RPS6KA2: variants seen among roughly 807,000 people sequenced by gnomAD.
The protein encoded by RPS6KA2 is ribosomal protein S6 kinase A2.
A neutral mutation model predicts 91.8 loss-of-function variants in RPS6KA2; 42 were observed. The observed-to-expected ratio is 0.46, with a 90% CI of 0.36 to 0.59. The LOEUF (loss-of-function observed/expected upper bound fraction) is 0.59. Among genes scored for constraint, RPS6KA2 ranks in the 20% least tolerant of loss-of-function variants. The pLI, the probability that RPS6KA2 is intolerant of heterozygous loss-of-function variation, is 0.00. For missense variants in RPS6KA2, 798 were observed against 978.5 expected (o/e 0.82, Z 2.46); for synonymous variants, 414 against 393.6 (o/e 1.05, Z -0.61).
At chr6:166,481,126 C>T (rs796580309) in intron 10 of RPS6KA2, among the ~76,000 whole-genome samples, 49 of 152,310 alleles carry the variant, frequency 3.2e-4, no homozygotes, top group African/African-American at 8.4e-4. Flanking sequence ...AATAATTATA[C>T]ATTCATTCCA....
intron 2 of RPS6KA2, among the ~76,000 whole-genome samples, chr6:166,847,594 G>A (rs2128631441): frequency 6.6e-6 from 1 of 152,214 alleles, no homozygotes; most frequent in East Asian, 1.9e-4. Context: ...AGAGAATCAA[G>A]AAATAAAGCC....
intron 2 of RPS6KA2, among the ~76,000 whole-genome samples, chr6:166,823,066 G>A (rs1779943814): frequency 6.6e-6 from 1 of 152,172 alleles, no homozygotes; most frequent in African/African-American, 2.4e-5. Flanking sequence ...CATCCAAAGG[G>A]CAGACGACCC....
intron 16 of RPS6KA2, among the ~76,000 whole-genome samples, chr6:166,425,801 G>A (rs1778894999): frequency 6.6e-6 from 1 of 152,106 alleles, no homozygotes; most frequent in Non-Finnish European, 1.5e-5. Flanking sequence ...GATTCATAAA[G>A]CAAGTCCTGA....
intron 11 of RPS6KA2, among the ~76,000 whole-genome samples, chr6:166,466,898 C>CCTTACTCATTCACTCCCTTA (rs149393454): frequency 6.7e-6 from 1 of 150,198 alleles, no homozygotes; most frequent in Admixed American, 6.6e-5. Context: ...TCACTCACTC[C>CCTTACTCATTCACTCCCTTA]CTCATTCACT....
chr6:166,766,937 G>A (rs1168602953), intron 2 of RPS6KA2, among the ~76,000 whole-genome samples: 2 of 152,210 alleles, frequency 1.3e-5, no homozygotes, highest in African/African-American at 2.4e-5. Flanking sequence ...GTGGCCCTGT[G>A]GGCCTAACGT....
chr6:166,782,438 T>C (rs1301497950), intron 2 of RPS6KA2, among the ~76,000 whole-genome samples: 1 of 152,172 alleles, frequency 6.6e-6, no homozygotes, highest in Admixed American at 6.5e-5. Context: ...GTTTTGAAGA[T>C]GGAGACTCGG....
intron 1 of RPS6KA2, chr6:166,858,401 T>C (rs1349009003): frequency 3.2e-6 from 2 of 623,666 alleles, no homozygotes; most frequent in East Asian, 5.5e-5. Context: ...TCACCGTCCC[T>C]TCCCACCTGA....
chr6:166,468,585 C>T (rs1019446434), intron 11 of RPS6KA2, among the ~76,000 whole-genome samples: 5 of 151,986 alleles, frequency 3.3e-5, no homozygotes, highest in Non-Finnish European at 5.9e-5. Context: ...AGACAGAGGC[C>T]GGGCGCGGTG....
Position 166,762,322 on chromosome 6 carries a change from T to C in RPS6KA2, c.123+95878A>G, listed in dbSNP as rs537858568. 2.6e-5 allele frequency among the ~76,000 whole-genome samples: 4 copies of C among 152,296 alleles called. No individual in the cohort carries two copies. The South Asian group carries it at 6.2e-4, about 24-fold the overall frequency. ...CCATGTCAGCTCAACCTTAGCACCG[T>C]TCAAAGCAATTGGTATGCATGTGTG... On this transcript the variant is annotated intron_variant, in intron 2 of 21. Transcript: ENST00000503859.
At chr6:166,850,007 T>G (rs1400456268) in intron 2 of RPS6KA2, among the ~76,000 whole-genome samples, 4 of 151,988 alleles carry the variant, frequency 2.6e-5, no homozygotes, top group Non-Finnish European at 5.9e-5. Context: ...CCACGGGGCC[T>G]CCGCCAGGGA....
intron 11 of RPS6KA2, among the ~76,000 whole-genome samples, chr6:166,468,915 C>T (rs569892665): frequency 6.4e-4 from 97 of 150,562 alleles, no homozygotes; most frequent in Middle Eastern, 3.5e-3. Context: ...AAACTCTATA[C>T]TGTAGAGGGC....
In RPS6KA2 at chr6:166,626,673, G is replaced by A. The variant is rs995950247; in HGVS notation, c.99+248C>T. Among the ~76,000 whole-genome samples the A allele has an allele frequency of 1.2e-4, 19 of 152,220 alleles. No homozygotes were observed. The highest frequency in any genetic ancestry group is 4.6e-4 in the African/African-American group (19 of 41,464). Reference sequence around the variant, plus strand: ...CACACCCCGTGCAGCCAGCGGCGGAGAAACCAGCTGGAAATGCAGTGGGGG... The same window carrying A: ...CACACCCCGTGCAGCCAGCGGCGGAAAAACCAGCTGGAAATGCAGTGGGGG... On this transcript the variant is annotated intron_variant, in intron 1 of 20. Transcript: ENST00000265678. This position sits in a 1 kb window ranked among gnomAD's most constrained non-coding sequence, Gnocchi z 4.1.
chr6:166,769,314 G>A (rs1282596591), intron 2 of RPS6KA2, among the ~76,000 whole-genome samples: 5 of 152,194 alleles, frequency 3.3e-5, no homozygotes, highest in South Asian at 2.1e-4. Flanking sequence ...ATAAAGCCAC[G>A]TCAAGTTTCG....
chr6:166,663,847 G>A (rs914802601), intron 2 of RPS6KA2, among the ~76,000 whole-genome samples: 4 of 152,230 alleles, frequency 2.6e-5, no homozygotes, highest in Admixed American at 6.5e-5. Context: ...GTTAAAGAAA[G>A]AGGAAATATG....
intron 2 of RPS6KA2, among the ~76,000 whole-genome samples, chr6:166,779,534 G>A (rs755393683): frequency 6.6e-6 from 1 of 152,186 alleles, no homozygotes; most frequent in African/African-American, 2.4e-5. Context: ...GAATAGGGGA[G>A]AGCCCAGGGC....
chr6:166,829,492 A>G (rs1297458517), intron 2 of RPS6KA2, among the ~76,000 whole-genome samples: 3 of 149,968 alleles, frequency 2.0e-5, no homozygotes, highest in East Asian at 2.0e-4. Flanking sequence ...TCCAGAGGCT[A>G]AGGAAGGAGA....
chr6:166,827,256 CAAAAAAAAAAAAAAAAAAA>C (rs56296433), intron 2 of RPS6KA2, among the ~76,000 whole-genome samples: 6 of 94,498 alleles, frequency 6.3e-5, no homozygotes, highest in South Asian at 7.7e-4. Flanking sequence ...CAACCTTATA[CAAAAAAAAAAAAAAAAAAA>C]AAAAAAAAAA....
Position 166,852,377 on chromosome 6 carries a change from T to C in RPS6KA2, c.123+5823A>G, listed in dbSNP as rs1196743479. 1.3e-5 allele frequency among the ~76,000 whole-genome samples: 2 copies of C among 152,236 alleles called. No individual in the cohort carries two copies. Among genetic ancestry groups the C allele is most frequent in the Non-Finnish European group, 2.9e-5 (2 of 68,042 alleles). ...TTAATTGCTTCATTAGTGCCTGGGC[T>C]TCATTATTCACCTTGTCTCACTTCT... On this transcript the variant is annotated intron_variant, in intron 2 of 21. Coordinates refer to the RPS6KA2 transcript ENST00000503859. The surrounding 1 kb of genome is among the most constrained non-coding windows in gnomAD (Gnocchi z 4.1).
intron 11 of RPS6KA2, among the ~76,000 whole-genome samples, chr6:166,468,736 C>T (rs1034048497): frequency 1.3e-5 from 2 of 151,720 alleles, no homozygotes; most frequent in Non-Finnish European, 2.9e-5. Flanking sequence ...GTGGTGGGGG[C>T]GCCTGTAATC....
Sources: allele counts gnomAD v4.1 joint callset (sites outside exome capture counted in the v4.1 genomes callset), GRCh38; gene constraint gnomAD v4.1.1; non-coding constraint Gnocchi (gnomAD v3.1); transcripts MANE v1.5; gene names NCBI Gene and HGNC (gene_info 2026-07-23, HGNC 2026-07-21).